Variants in DMD observed in about 807,000 individuals in gnomAD.
DMD encodes the protein mutant dystrophin.
DMD carries 63 observed loss-of-function variants against 330.1 expected under a neutral mutation model. The ratio of observed to expected loss-of-function variants is 0.19; its 90% CI spans 0.16 to 0.24. The LOEUF is 0.24. DMD is among the 10% of genes least tolerant of loss of function. The pLI is 1.00. For synonymous variants in DMD, 1,223 were observed against 959.8 expected (o/e 1.27, Z -5.07); for missense variants, 3,344 against 2,684.1 (o/e 1.25, Z -5.43).
intron 44 of DMD, among the ~76,000 whole-genome samples, chrX:32,172,582 G>T (rs1457064191): frequency 9.0e-6 from 1 of 110,982 alleles, no homozygotes; most frequent in Non-Finnish European, 1.9e-5. Flanking sequence ...CCCACAACGG[G>T]AGTTATATCT....
At chrX:31,962,649 T>C (rs58069163) in intron 45 of DMD, among the ~76,000 whole-genome samples, 16,200 of 111,318 alleles carry the variant, frequency 0.15, 2,190 homozygotes, top group African/African-American at 0.43. Flanking sequence ...CAGAAATCCA[T>C]ATTTTTTTAA....
chrX:32,185,042 G>A (rs55956568), intron 44 of DMD, among the ~76,000 whole-genome samples: 4 of 110,546 alleles, frequency 3.6e-5, no homozygotes, highest in African/African-American at 1.3e-4. Context: ...TGGCACATCA[G>A]AATCTCCTGA....
chrX:31,766,752 T>A (rs1275809349), intron 51 of DMD, among the ~76,000 whole-genome samples: 2 of 112,017 alleles, frequency 1.8e-5, no homozygotes, highest in East Asian at 5.6e-4. Flanking sequence ...CACATTTCCA[T>A]TCATAGACTT....
intron 45 of DMD, among the ~76,000 whole-genome samples, chrX:31,949,393 A>G (rs967769895): frequency 1.8e-5 from 2 of 111,519 alleles, no homozygotes; most frequent in Non-Finnish European, 3.8e-5. Flanking sequence ...ATGACCATTT[A>G]ATCTATTTTA....
At chrX:31,922,210 G>C (rs1412071151) in intron 47 of DMD, among the ~76,000 whole-genome samples, 1 of 111,466 alleles carries the variant, frequency 9.0e-6, no homozygotes, top group Non-Finnish European at 1.9e-5. Context: ...AGTCCAGTGA[G>C]CTTCCGGGTA....
chrX:31,934,382 C>A (rs778838015), intron 45 of DMD, among the ~76,000 whole-genome samples: 2 of 111,829 alleles, frequency 1.8e-5, no homozygotes, highest in African/African-American at 6.5e-5. Flanking sequence ...TTCTGGGACA[C>A]GTAAAGTTAC....
At chrX:32,174,517 C>G (rs994496924) in intron 44 of DMD, among the ~76,000 whole-genome samples, 1 of 111,814 alleles carries the variant, frequency 8.9e-6, no homozygotes, top group Non-Finnish European at 1.9e-5. Context: ...TCTCTATTGT[C>G]TATGACTGCT....
intron 62 of DMD, among the ~76,000 whole-genome samples, chrX:31,317,742 A>T (rs112270155): frequency 0.016 from 1,809 of 110,425 alleles, 39 homozygotes; most frequent in African/African-American, 0.056. Context: ...CCATCTCCTG[A>T]CCTCGTGATC....
intron 29 of DMD, among the ~76,000 whole-genome samples, chrX:32,426,760 T>C (rs1330036937): frequency 8.9e-6 from 1 of 111,733 alleles, no homozygotes; most frequent in Non-Finnish European, 1.9e-5. Context: ...ATATACACCA[T>C]GGAACACTAC....
intron 44 of DMD, among the ~76,000 whole-genome samples, chrX:32,161,830 C>T (rs1265769376): frequency 1.8e-5 from 2 of 111,908 alleles, no homozygotes; most frequent in Non-Finnish European, 3.8e-5. Context: ...GAAGATAGTA[C>T]ACCCTAGCTG....
chrX:32,440,364 A>C (rs1169202819), intron 28 of DMD, among the ~76,000 whole-genome samples: 4 of 111,426 alleles, frequency 3.6e-5, no homozygotes, highest in African/African-American at 1.3e-4. Context: ...AGTTGGATAA[A>C]ATGATCTATA....
intron 7 of DMD, among the ~76,000 whole-genome samples, chrX:32,725,407 C>A (rs112725720): frequency 9.1e-6 from 1 of 110,189 alleles, no homozygotes; most frequent in South Asian, 3.8e-4. Flanking sequence ...CTTTAATGAC[C>A]GCCTATAAAG....
chrX:32,237,708 T>C (rs755393230), intron 43 of DMD, among the ~76,000 whole-genome samples: 1 of 111,733 alleles, frequency 8.9e-6, no homozygotes, highest in East Asian at 2.8e-4. Context: ...TAAGAGTCAG[T>C]TTAAAATTTT....
At chrX:33,295,545 T>C (rs756749938) in intron 1 of DMD, among the ~76,000 whole-genome samples, 7 of 111,337 alleles carry the variant, frequency 6.3e-5, no homozygotes, top group African/African-American at 3.3e-5. Context: ...GACATAGATA[T>C]GTAAATTCAG....
intron 7 of DMD, among the ~76,000 whole-genome samples, chrX:32,718,518 T>C (rs1349096076): frequency 8.9e-6 from 1 of 111,840 alleles, no homozygotes; most frequent in African/African-American, 3.3e-5. Context: ...TAGTTGTTTA[T>C]AGCAATGTGA....
intron 50 of DMD, among the ~76,000 whole-genome samples, chrX:31,780,950 A>G (rs1201665419): frequency 9.0e-6 from 1 of 111,211 alleles, no homozygotes; most frequent in Non-Finnish European, 1.9e-5. Flanking sequence ...TGGATTTAAG[A>G]AAAAAAAATG....
At chrX:31,441,291 G>A in intron 60 of DMD, among the ~76,000 whole-genome samples, 1 of 111,674 alleles carries the variant, frequency 9.0e-6, no homozygotes, top group Middle Eastern at 4.6e-3. Context: ...CTGCCTCCTG[G>A]TTTCAAGCAA....
At chrX:33,040,045 G>T (rs767858573) in intron 1 of DMD, among the ~76,000 whole-genome samples, 1 of 111,189 alleles carries the variant, frequency 9.0e-6, no homozygotes, top group South Asian at 3.8e-4. Flanking sequence ...AGCTCCAATT[G>T]TAAGGCATTC....
intron 52 of DMD, among the ~76,000 whole-genome samples, chrX:31,725,686 C>T (rs1158691944): frequency 8.9e-6 from 1 of 111,747 alleles, no homozygotes; most frequent in Non-Finnish European, 1.9e-5. Context: ...GTCTAGGCAG[C>T]CTGCCTTTTA....
Sources: gnomAD v4.1 joint callset for allele counts (sites outside exome capture counted in the v4.1 genomes callset) on GRCh38, gnomAD v4.1.1 for gene constraint, MANE v1.5 for transcripts, NCBI Gene and HGNC (gene_info 2026-07-23, HGNC 2026-07-21) for gene names.